The following CAMKMT variants were observed in gnomAD, a reference collection of about 807,000 sequenced individuals.
CAMKMT encodes the protein CaM KMT.
CAMKMT carries 53 observed loss-of-function variants against 48.0 expected under a neutral mutation model. The observed-to-expected ratio is 1.10, with a 90% confidence interval of 0.89 to 1.39. CAMKMT has a LOEUF of 1.39. Among genes scored for constraint, CAMKMT ranks in the 40% most tolerant of loss-of-function variants. The probability of loss-of-function intolerance (pLI) is 0.00; values close to 1 mark genes in which losing one functional copy is unlikely to be tolerated. For missense variants in CAMKMT, 428 were observed against 402.7 expected (o/e 1.06, Z -0.54); for synonymous variants, 165 against 152.3 (o/e 1.08, Z -0.61).
intron 3 of CAMKMT, among the ~76,000 whole-genome samples, chr2:44,684,011 G>C (rs1415278672): frequency 6.6e-6 from 1 of 152,032 alleles, no homozygotes; most frequent in Non-Finnish European, 1.5e-5. Context: ...CAATGCTGTT[G>C]GGCAGCATAA....
At chr2:44,539,114 G>A (rs763392502) in intron 3 of CAMKMT, among the ~76,000 whole-genome samples, 4 of 151,458 alleles carry the variant, frequency 2.6e-5, no homozygotes, top group Middle Eastern at 3.4e-3. Flanking sequence ...AACCAGCCTG[G>A]GCAACATAGT....
At chr2:44,507,831 A>G (rs1465730576) in intron 3 of CAMKMT, among the ~76,000 whole-genome samples, 1 of 152,190 alleles carries the variant, frequency 6.6e-6, no homozygotes, top group Non-Finnish European at 1.5e-5. Context: ...ATGCTGTGAA[A>G]AAAGTGTCAG....
chr2:44,396,037 T>C (rs1222536531), intron 3 of CAMKMT, among the ~76,000 whole-genome samples: 1 of 152,134 alleles, frequency 6.6e-6, no homozygotes, highest in Non-Finnish European at 1.5e-5. Flanking sequence ...GATGGATTCT[T>C]TAATAAATAG....
intron 3 of CAMKMT, among the ~76,000 whole-genome samples, chr2:44,575,270 G>A (rs1285653482): frequency 6.6e-6 from 1 of 151,662 alleles, no homozygotes; most frequent in Admixed American, 6.6e-5. Context: ...GTAGAGATGG[G>A]GTTTTGTCAT....
chr2:44,543,542 A>G (rs968707254), intron 3 of CAMKMT, among the ~76,000 whole-genome samples: 2 of 152,206 alleles, frequency 1.3e-5, no homozygotes, highest in Non-Finnish European at 2.9e-5. Flanking sequence ...ATCAGCTGAG[A>G]TTAACTATGC....
At chr2:44,500,725 A>G (rs1467024785) in intron 3 of CAMKMT, among the ~76,000 whole-genome samples, 2 of 145,682 alleles carry the variant, frequency 1.4e-5, no homozygotes, top group Non-Finnish European at 3.0e-5. Flanking sequence ...TCTGTTGCCC[A>G]GGCTGGAGTG....
At chr2:44,439,591 C>T (rs1055834210) in intron 3 of CAMKMT, among the ~76,000 whole-genome samples, 1 of 152,038 alleles carries the variant, frequency 6.6e-6, no homozygotes, top group African/African-American at 2.4e-5. Context: ...GTAATCCCAG[C>T]ACTTTGGGAG....
chr2:44,599,331 C>T (rs1012102002), intron 3 of CAMKMT, among the ~76,000 whole-genome samples: 1 of 152,094 alleles, frequency 6.6e-6, no homozygotes, highest in Non-Finnish European at 1.5e-5. Context: ...TGAAGGGCTC[C>T]AGTAACACTA....
At chr2:44,710,123 A>G (rs1017249400) in intron 6 of CAMKMT, among the ~76,000 whole-genome samples, 9 of 151,402 alleles carry the variant, frequency 5.9e-5, no homozygotes, top group African/African-American at 2.2e-4. Flanking sequence ...AAAAAACAGC[A>G]TTTCCTGATA....
intron 3 of CAMKMT, among the ~76,000 whole-genome samples, chr2:44,429,060 A>AGTCTTCACTT: frequency 6.6e-6 from 1 of 152,182 alleles, no homozygotes; most frequent in South Asian, 2.1e-4. Context: ...TGTTGAACTT[A>AGTCTTCACTT]AGGCTAAAGT....
intron 6 of CAMKMT, among the ~76,000 whole-genome samples, chr2:44,713,945 C>A (rs191417170): frequency 6.6e-6 from 1 of 152,092 alleles, no homozygotes; most frequent in East Asian, 1.9e-4. Context: ...CCCATGGGCC[C>A]AATTTAGTTC....
At chr2:44,573,331 T>G (rs977947550) in intron 3 of CAMKMT, among the ~76,000 whole-genome samples, 7 of 152,194 alleles carry the variant, frequency 4.6e-5, no homozygotes, top group African/African-American at 1.4e-4. Flanking sequence ...AGTAGTAATG[T>G]CTTGTTAGAT....
At chr2:44,377,586 A>G (rs940659408) in intron 2 of CAMKMT, among the ~76,000 whole-genome samples, 1 of 152,180 alleles carries the variant, frequency 6.6e-6, no homozygotes, top group African/African-American at 2.4e-5. Context: ...GGAACCATAG[A>G]AGTGCCTGAG....
intron 3 of CAMKMT, among the ~76,000 whole-genome samples, chr2:44,527,703 T>C (rs1666228757): frequency 6.6e-6 from 1 of 151,832 alleles, no homozygotes; most frequent in Non-Finnish European, 1.5e-5. Context: ...TACTTCATTT[T>C]TTAGAACAGT....
chr2:44,506,582 C>T (rs1031180697), intron 3 of CAMKMT, among the ~76,000 whole-genome samples: 5 of 151,988 alleles, frequency 3.3e-5, no homozygotes, highest in South Asian at 2.1e-4. Flanking sequence ...ATGTTCTGGT[C>T]GGACAGAAAT....
At chr2:44,525,731 G>A (rs942094620) in intron 3 of CAMKMT, among the ~76,000 whole-genome samples, 1 of 152,182 alleles carries the variant, frequency 6.6e-6, no homozygotes, top group African/African-American at 2.4e-5. Flanking sequence ...GAGGCTGGAA[G>A]AGGGTAATTC....
chr2:44,498,954 A>G (rs1443372944), intron 3 of CAMKMT, among the ~76,000 whole-genome samples: 8 of 152,244 alleles, frequency 5.3e-5, no homozygotes, highest in Admixed American at 3.3e-4. Flanking sequence ...ATATAAACAG[A>G]TATCTCCCAT....
intron 6 of CAMKMT, among the ~76,000 whole-genome samples, chr2:44,708,368 C>T (rs566087614): frequency 6.6e-6 from 1 of 151,870 alleles, no homozygotes; most frequent in South Asian, 2.1e-4. Flanking sequence ...TTTTCGACTT[C>T]TGCCATATGA....
At chr2:44,396,917 G>A (rs1028352378) in intron 3 of CAMKMT, among the ~76,000 whole-genome samples, 2 of 151,702 alleles carry the variant, frequency 1.3e-5, no homozygotes, top group African/African-American at 4.8e-5. Context: ...AAATTAGCTG[G>A]GCGTAGTGGC....
Sources: gnomAD v4.1 joint callset for allele counts (sites outside exome capture counted in the v4.1 genomes callset) on GRCh38, gnomAD v4.1.1 for gene constraint, MANE v1.5 for transcripts, NCBI Gene and HGNC (gene_info 2026-07-23, HGNC 2026-07-21) for gene names.